The following TUSC3 variants were observed in gnomAD, a reference collection of about 807,000 sequenced individuals.
The protein encoded by TUSC3 is tumor suppressor candidate 3, also known as dolichyl-diphosphooligosaccharide--protein glycosyltransferase subunit TUSC3.
In TUSC3, 45 loss-of-function variants were observed where a neutral mutation model predicts 44.8. The observed-to-expected ratio is 1.00, with a 90% CI of 0.79 to 1.29. The LOEUF is 1.29. TUSC3 is among the 50% of genes most tolerant of loss of function. TUSC3 has a pLI of 0.00. For missense variants in TUSC3, 519 were observed against 437.9 expected, an observed-to-expected ratio of 1.19 and a Z score of -1.65; for synonymous variants, 212 against 152.9, an observed-to-expected ratio of 1.39 and a Z score of -2.85.
At position 15,673,746 on chromosome 8, in the gene TUSC3, G is replaced by T; in HGVS notation, c.709-1G>T. The stretch of plus-strand genomic sequence containing the variant: ...TTGAAACACTGCACCCTGTTTTTCA[G>T]TGTATAGTCTTTGCTATGACTTCTG... On this transcript the variant is annotated splice_acceptor_variant, in intron 5 of 10. Transcript: ENST00000503731. LOFTEE classifies it high-confidence loss of function. 6.2e-7 allele frequency: 1 copy of T among 1,611,962 alleles called. No individual in the cohort carries two copies. The highest frequency in any genetic ancestry group is 8.5e-7 in the Non-Finnish European group (1 of 1,178,512).
At chr8:15,656,682 A>G (rs957121985) in intron 3 of TUSC3, among the ~76,000 whole-genome samples, 1 of 152,180 alleles carries the variant, frequency 6.6e-6, no homozygotes, top group African/African-American at 2.4e-5. Flanking sequence ...CTGGTGTTGC[A>G]TGCTGTTGGC....
intron 1 of TUSC3, among the ~76,000 whole-genome samples, chr8:15,438,176 T>C (rs5006322): frequency 0.16 from 24,713 of 152,018 alleles, 2,075 homozygotes; most frequent in Middle Eastern, 0.22. Context: ...CTCCCTGCAA[T>C]CTCCGTCTCC....
chr8:15,581,793 G>C, intron 1 of TUSC3, among the ~76,000 whole-genome samples: 1 of 137,570 alleles, frequency 7.3e-6, no homozygotes, highest in Non-Finnish European at 1.5e-5. Context: ...CCTGCCCCCA[G>C]AGGTGGAGCC....
chr8:15,655,538 C>G (rs138641255), intron 3 of TUSC3, among the ~76,000 whole-genome samples: 157 of 152,348 alleles, frequency 1.0e-3, no homozygotes, highest in African/African-American at 3.6e-3. Flanking sequence ...GAACAGTGCA[C>G]TTTGATGTCT....
chr8:15,708,898 G>C (rs529442240), intron 6 of TUSC3, among the ~76,000 whole-genome samples: 34 of 151,914 alleles, frequency 2.2e-4, no homozygotes, highest in African/African-American at 7.5e-4. Context: ...GATCTGTGTG[G>C]AGTTAGGTGC....
chr8:15,607,827 A>T (rs1299709969), intron 1 of TUSC3, among the ~76,000 whole-genome samples: 18 of 152,194 alleles, frequency 1.2e-4, no homozygotes, highest in Admixed American at 1.2e-3. Flanking sequence ...GCTATTAAAA[A>T]TGTAGAAATT....
chr8:15,541,942 C>T (rs1489906442), intron 1 of TUSC3, among the ~76,000 whole-genome samples: 2 of 151,410 alleles, frequency 1.3e-5, no homozygotes, highest in East Asian at 3.9e-4. Context: ...CCTAGGACCA[C>T]GCCAATTTTC....
chr8:15,573,223 TATATATA>T (rs1158309897), intron 1 of TUSC3, among the ~76,000 whole-genome samples: 7 of 137,310 alleles, frequency 5.1e-5, no homozygotes, highest in African/African-American at 2.0e-4. Flanking sequence ...TATATATATA[TATATATA>T]AAAGTTTTTT....
chr8:15,731,823 C>A (rs182990687), intron 7 of TUSC3, among the ~76,000 whole-genome samples: 2 of 152,116 alleles, frequency 1.3e-5, no homozygotes, highest in South Asian at 4.1e-4. Context: ...TTTTAAAAAT[C>A]TACTGGCAAA....
At chr8:15,419,050 A>G (rs1799693128) in intron 1 of TUSC3, among the ~76,000 whole-genome samples, 1 of 152,168 alleles carries the variant, frequency 6.6e-6, no homozygotes, top group Non-Finnish European at 1.5e-5. Context: ...AGTATCTTGC[A>G]GCCAAATTTC....
the TUSC3 span, among the ~76,000 whole-genome samples, chr8:15,837,293 T>C: frequency 1.3e-5 from 2 of 152,214 alleles, no homozygotes; most frequent in African/African-American, 2.4e-5. Flanking sequence ...ATATGTGCTT[T>C]TCCAAACTGT....
the TUSC3 span, among the ~76,000 whole-genome samples, chr8:15,811,211 CA>C: frequency 6.6e-6 from 1 of 152,120 alleles, no homozygotes; most frequent in African/African-American, 2.4e-5. Flanking sequence ...AAGCAGCTCC[CA>C]AATCTCAGAG....
chr8:15,702,807 A>C (rs1385679843), intron 6 of TUSC3, among the ~76,000 whole-genome samples: 2 of 152,132 alleles, frequency 1.3e-5, no homozygotes, highest in African/African-American at 4.8e-5. Context: ...CAAAAAATAC[A>C]ACTAACTTCT....
At chr8:15,667,735 C>G (rs1428982487) in intron 5 of TUSC3, among the ~76,000 whole-genome samples, 6 of 151,464 alleles carry the variant, frequency 4.0e-5, no homozygotes, top group African/African-American at 1.5e-4. Flanking sequence ...AATTATGAAC[C>G]CAAAGTGTTG....
intron 6 of TUSC3, among the ~76,000 whole-genome samples, chr8:15,714,091 C>G (rs535733985): frequency 1.3e-5 from 2 of 152,240 alleles, no homozygotes; most frequent in South Asian, 4.1e-4. Flanking sequence ...ATAGTAACAT[C>G]TACCTCTTTA....
chr8:15,673,479 C>T (rs772624988), intron 5 of TUSC3, among the ~76,000 whole-genome samples: 28 of 152,018 alleles, frequency 1.8e-4, no homozygotes, highest in Non-Finnish European at 2.5e-4. Context: ...GTCACCAGGC[C>T]AGATGCTTTA....
At chr8:15,554,728 G>A (rs1228280249) in intron 1 of TUSC3, among the ~76,000 whole-genome samples, 3 of 147,160 alleles carry the variant, frequency 2.0e-5, no homozygotes, top group Admixed American at 1.4e-4. Flanking sequence ...TCAGCCTCCC[G>A]AGTAGCTGGG....
intron 2 of TUSC3, among the ~76,000 whole-genome samples, chr8:15,649,124 A>G (rs1806770273): frequency 6.6e-6 from 1 of 151,894 alleles, no homozygotes; most frequent in African/African-American, 2.4e-5. Context: ...TTACACTTCC[A>G]TTTTCATGTT....
intron 2 of TUSC3, among the ~76,000 whole-genome samples, chr8:15,635,014 G>T (rs767280772): frequency 4.6e-5 from 7 of 152,034 alleles, no homozygotes; most frequent in Non-Finnish European, 8.8e-5. Flanking sequence ...TAAAACAAGA[G>T]AACTCAGTGA....
Sources: gnomAD v4.1 joint callset for allele counts (sites outside exome capture counted in the v4.1 genomes callset) on GRCh38, gnomAD v4.1.1 for gene constraint, MANE v1.5 for transcripts, NCBI Gene and HGNC (gene_info 2026-07-23, HGNC 2026-07-21) for gene names.